MAP4K4: variants seen among roughly 807,000 people sequenced by gnomAD.
MAP4K4 encodes the protein mitogen-activated protein kinase kinase kinase kinase 4, also known as HPK/GCK-like kinase HGK.
A neutral mutation model predicts 189.6 loss-of-function variants in MAP4K4; 38 were observed. That is an observed-to-expected ratio of 0.20 (90% CI 0.15 to 0.26). MAP4K4 has a LOEUF of 0.26. MAP4K4 is among the 10% of genes least tolerant of loss of function. MAP4K4 has a pLI of 1.00. For synonymous variants in MAP4K4, 610 were observed against 624.3 expected (o/e 0.98, Z 0.34); for missense variants, 1,054 against 1,726.9 (o/e 0.61, Z 6.91).
chr2:101,871,168 TACTTTCTGG>T (rs2098002338), intron 23 of MAP4K4, among the ~76,000 whole-genome samples: 1 of 152,092 alleles, frequency 6.6e-6, no homozygotes, highest in Non-Finnish European at 1.5e-5. Flanking sequence ...AATCCACAGG[TACTTTCTGG>T]AGCTTTGCAA....
chr2:101,826,777 GAAATT>G (rs1431398433), intron 5 of MAP4K4, among the ~76,000 whole-genome samples: 3 of 152,124 alleles, frequency 2.0e-5, no homozygotes, highest in Admixed American at 6.5e-5. Flanking sequence ...CCAACCCTTT[GAAATT>G]ACTTTTGTTA....
intron 5 of MAP4K4, among the ~76,000 whole-genome samples, chr2:101,827,215 T>G (rs933580134): frequency 2.6e-5 from 4 of 152,160 alleles, no homozygotes; most frequent in African/African-American, 9.7e-5. Context: ...TGAACATCTT[T>G]TTGAGACGTA....
chr2:101,885,060 C>G (rs2098461765), intron 28 of MAP4K4, 127 bp from the exon 29 acceptor site: 1 of 464,970 alleles, frequency 2.2e-6, no homozygotes, highest in East Asian at 3.3e-5. Context: ...GAATTTTTCC[C>G]CTGCTTGTTT....
At chr2:101,797,889 G>GTTTTGTTTTTT (rs2093918338) in intron 3 of MAP4K4, among the ~76,000 whole-genome samples, 1 of 52,304 alleles carries the variant, frequency 1.9e-5, no homozygotes, top group Non-Finnish European at 3.3e-5. Context: ...CATTCTTTTA[G>GTTTTGTTTTTT]TTTTTTTTTT....
intron 11 of MAP4K4, among the ~76,000 whole-genome samples, 170 bp from the exon 12 acceptor site, chr2:101,843,931 A>G (rs1176486558): frequency 6.6e-6 from 1 of 152,206 alleles, no homozygotes; most frequent in Non-Finnish European, 1.5e-5. Flanking sequence ...AAGATATGGG[A>G]CTATTGAATT....
intron 2 of MAP4K4, among the ~76,000 whole-genome samples, chr2:101,756,195 C>T (rs1209792102): frequency 6.6e-6 from 1 of 152,196 alleles, no homozygotes; most frequent in East Asian, 1.9e-4. Context: ...CCGCCTGCCT[C>T]GGCCTCCCAA....
intron 2 of MAP4K4, among the ~76,000 whole-genome samples, chr2:101,721,491 G>A (rs570320509): frequency 9.4e-4 from 141 of 149,708 alleles, no homozygotes; most frequent in African/African-American, 3.4e-3. Flanking sequence ...GCTGGAGTGC[G>A]GTGGCGCGAT....
At chr2:101,760,033 A>T (rs1178365540) in intron 2 of MAP4K4, among the ~76,000 whole-genome samples, 1 of 151,730 alleles carries the variant, frequency 6.6e-6, no homozygotes, top group East Asian at 2.0e-4. Context: ...TTTTGTAGAG[A>T]TGGGGTTTCA....
intron 13 of MAP4K4, among the ~76,000 whole-genome samples, chr2:101,858,155 G>A (rs2097533730): frequency 1.3e-5 from 2 of 152,202 alleles, no homozygotes; most frequent in South Asian, 4.1e-4. Flanking sequence ...GAAAAGGGGA[G>A]CTTTAGAGCA....
intron 2 of MAP4K4, among the ~76,000 whole-genome samples, chr2:101,707,680 GT>G (rs1160858811): frequency 9.2e-5 from 13 of 141,236 alleles, no homozygotes; most frequent in Non-Finnish European, 1.1e-4. Flanking sequence ...GTCCAGCTAA[GT>G]TTTTTTTTTT....
At chr2:101,776,122 C>T (rs2083967777) in intron 2 of MAP4K4, among the ~76,000 whole-genome samples, 2 of 152,176 alleles carry the variant, frequency 1.3e-5, no homozygotes, top group African/African-American at 4.8e-5. Context: ...GTGGCAGTTA[C>T]TCTGAATTAT....
At chr2:101,849,214 C>A (rs1055843488) in intron 12 of MAP4K4, among the ~76,000 whole-genome samples, 1 of 152,204 alleles carries the variant, frequency 6.6e-6, no homozygotes, top group Non-Finnish European at 1.5e-5. Flanking sequence ...CCTCTGCCAC[C>A]TGGGCTCAAG....
chr2:101,802,986 A>G lies in MAP4K4; in HGVS notation c.180+12210A>G, dbSNP rs555539248. On this transcript the variant is annotated intron_variant, in intron 3 of 32. Transcript: ENST00000324219. Reference sequence around the variant, plus strand: ...TTTTTAGTAGAGATGGGGTTTCACCATGTTGGCCAGGCTGGTCTCGAACTA... The same window carrying G: ...TTTTTAGTAGAGATGGGGTTTCACCGTGTTGGCCAGGCTGGTCTCGAACTA... Among the ~76,000 whole-genome samples, 59 of 152,084 alleles carry G rather than the reference A, an allele frequency of 3.9e-4. 1 individual carries two copies. The highest frequency in any genetic ancestry group is 7.4e-5 in the Non-Finnish European group (5 of 67,964).
At chr2:101,823,839 GTTCCT>G (rs2096220853) in intron 3 of MAP4K4, 84 bp from the exon 4 acceptor site, 1 of 1,155,856 alleles carries the variant, frequency 8.7e-7, no homozygotes, top group East Asian at 2.7e-5. Flanking sequence ...GAGAACTTGT[GTTCCT>G]TTCATTATTG....
intron 6 of MAP4K4, among the ~76,000 whole-genome samples, chr2:101,831,455 G>A (rs1396584920): frequency 6.6e-6 from 1 of 151,630 alleles, no homozygotes; most frequent in African/African-American, 2.4e-5. Flanking sequence ...GCCCTCTGCT[G>A]GTCACTGTTG....
intron 2 of MAP4K4, among the ~76,000 whole-genome samples, chr2:101,760,206 A>G (rs186827337): frequency 0.011 from 1,624 of 151,728 alleles, 38 homozygotes; most frequent in African/African-American, 0.037. Context: ...AAATATTTTT[A>G]TAGGCCGGGT....
At chr2:101,745,993 TGTGTGTG>T in intron 2 of MAP4K4, among the ~76,000 whole-genome samples, 1 of 152,008 alleles carries the variant, frequency 6.6e-6, no homozygotes, top group African/African-American at 2.4e-5. Context: ...TGTGTGTGTG[TGTGTGTG>T]TGTGTGTTTT....
At chr2:101,739,977 T>G (rs1376796975) in intron 2 of MAP4K4, among the ~76,000 whole-genome samples, 1 of 152,084 alleles carries the variant, frequency 6.6e-6, no homozygotes, top group African/African-American at 2.4e-5. Context: ...TATTTTACAC[T>G]AAAGGGAGGA....
chr2:101,874,633 C>T (rs2098144898), intron 26 of MAP4K4, among the ~76,000 whole-genome samples: 1 of 152,130 alleles, frequency 6.6e-6, no homozygotes, highest in South Asian at 2.1e-4. Flanking sequence ...CTATAAAATT[C>T]AATCATATCT....
Sources: gnomAD v4.1 joint callset for allele counts (sites outside exome capture counted in the v4.1 genomes callset) on GRCh38, gnomAD v4.1.1 for gene constraint, MANE v1.5 for transcripts, NCBI Gene and HGNC (gene_info 2026-07-23, HGNC 2026-07-21) for gene names.